Variants in C1orf141 observed in about 807,000 individuals in gnomAD.
The protein encoded by C1orf141 is uncharacterized protein C1orf141.
C1orf141 carries 19 observed loss-of-function variants against 23.2 expected under a neutral mutation model. That is an observed-to-expected ratio of 0.82 (90% CI 0.57 to 1.20). The LOEUF is 1.20. C1orf141 is among the 50% of genes most tolerant of loss of function. C1orf141 has a pLI of 0.00. For synonymous variants in C1orf141, 153 were observed against 154.6 expected (o/e 0.99, Z 0.08); for missense variants, 469 against 455.1 (o/e 1.03, Z -0.28).
upstream of C1orf141, among the ~76,000 whole-genome samples, chr1:67,138,100 A>G (rs921630512): frequency 2.6e-5 from 4 of 152,228 alleles, no homozygotes; most frequent in Non-Finnish European, 4.4e-5. Flanking sequence ...GGCATTTCTC[A>G]CTTTTACAGA....
upstream of C1orf141, among the ~76,000 whole-genome samples, chr1:67,135,880 C>T (rs1192138389): frequency 1.8e-5 from 2 of 109,816 alleles, no homozygotes; most frequent in African/African-American, 7.6e-5. Context: ...CATCACAAGT[C>T]TGTGCTAGTG....
At chr1:67,132,123 G>A (rs1014405471) in intron 1 of C1orf141, among the ~76,000 whole-genome samples, 1 of 151,230 alleles carries the variant, frequency 6.6e-6, no homozygotes, top group Non-Finnish European at 1.5e-5. Context: ...CCTTGTCTCG[G>A]TGACAGTCTA....
chr1:67,099,622 A>C (rs1252780401), intron 5 of C1orf141, among the ~76,000 whole-genome samples: 2 of 152,168 alleles, frequency 1.3e-5, no homozygotes, highest in African/African-American at 4.8e-5. Flanking sequence ...TCTACTAAAA[A>C]TACAAAATTA....
intron 4 of C1orf141, among the ~76,000 whole-genome samples, chr1:67,118,768 C>T (rs772995009): frequency 6.6e-6 from 1 of 152,196 alleles, no homozygotes; most frequent in East Asian, 1.9e-4. Flanking sequence ...CTCCCTGTCT[C>T]TGTATTTGCC....
chr1:67,115,221 A>G, intron 5 of C1orf141, 131 bp downstream of exon 5: 1 of 531,576 alleles, frequency 1.9e-6, no homozygotes, highest in Middle Eastern at 2.8e-4. Context: ...GTTCTTTTTT[A>G]TAGTTCATGG....
chr1:67,138,304 T>C (rs1164048431), upstream of C1orf141, among the ~76,000 whole-genome samples: 1 of 152,230 alleles, frequency 6.6e-6, no homozygotes, highest in African/African-American at 2.4e-5. Flanking sequence ...TTATTCTAGA[T>C]AATGTGCTAG....
intron 3 of C1orf141, among the ~76,000 whole-genome samples, chr1:67,126,602 G>A (rs1442865440): frequency 6.6e-6 from 1 of 152,164 alleles, no homozygotes; most frequent in Non-Finnish European, 1.5e-5. Flanking sequence ...CAAAATATAT[G>A]AAAACAACTG....
chr1:67,121,681 T>G (rs1002765580), intron 4 of C1orf141: 4 of 152,228 alleles, frequency 2.6e-5, no homozygotes, highest in African/African-American at 4.8e-5. Context: ...TAATGGTGAG[T>G]GTTTAATAAA....
intron 5 of C1orf141, among the ~76,000 whole-genome samples, chr1:67,102,333 T>C (rs908045660): frequency 1.3e-5 from 2 of 151,626 alleles, no homozygotes; most frequent in African/African-American, 2.4e-5. Context: ...TGTGTGTGTG[T>C]GTGTGTGTGT....
chr1:67,134,691 G>A (rs1646566861), intron 1 of C1orf141, among the ~76,000 whole-genome samples: 1 of 152,168 alleles, frequency 6.6e-6, no homozygotes, highest in South Asian at 2.1e-4. Context: ...TAGTTTAGAA[G>A]ATGCAAAGGG....
At chr1:67,110,077 G>A (rs984982165) in intron 5 of C1orf141, among the ~76,000 whole-genome samples, 1 of 152,036 alleles carries the variant, frequency 6.6e-6, no homozygotes, top group African/African-American at 2.4e-5. Context: ...GCTGTTAATA[G>A]TATTTTGAGT....
At chr1:67,117,031 T>C (rs946213200) in intron 4 of C1orf141, among the ~76,000 whole-genome samples, 1 of 152,240 alleles carries the variant, frequency 6.6e-6, no homozygotes, top group African/African-American at 2.4e-5. Flanking sequence ...TTATCCTAGA[T>C]TGTAAACTCT....
Position 67,125,928 on chromosome 1 carries a change from G to C in C1orf141, c.76-19C>G. The C allele has an allele frequency of 2.5e-6, 3 of 1,183,156 alleles. No homozygotes were observed. The highest frequency in any genetic ancestry group is 3.3e-6 in the Non-Finnish European group (3 of 921,548). The allele number at this position is 1,183,156 out of a possible 1,614,324, so 73.3% of individuals were successfully genotyped here. A position where few individuals can be genotyped will look rare whatever the true frequency, so the allele number is the denominator to read the frequency against. ...TGTTTATCTGCAGCAATGCCAAAGT[G>C]AAAAAAAAAAAAAAAAAAAGAGTAC... is the stretch of plus-strand genomic sequence containing the variant. On this transcript the variant is annotated intron_variant, in intron 3 of 7. Coordinates refer to ENST00000684719, the MANE Select transcript of C1orf141 (RefSeq NM_001276351.2).
At chr1:67,103,370 C>T (rs1645848562) in intron 5 of C1orf141, 2 of 1,384,138 alleles carry the variant, frequency 1.4e-6, no homozygotes, top group Non-Finnish European at 1.9e-6. Flanking sequence ...TTCAAAGGCC[C>T]TGCATTTTCC....
intron 7 of C1orf141, 30 bp from the exon 8 acceptor site, chr1:67,093,634 A>G (rs1182820809): frequency 1.3e-6 from 2 of 1,492,308 alleles, no homozygotes; most frequent in Admixed American, 2.3e-5. Flanking sequence ...ATAATTAGTC[A>G]TAAGTTCATT....
At chr1:67,095,022 A>G (rs796383417) in intron 7 of C1orf141, 2 of 453,774 alleles carry the variant, frequency 4.4e-6, no homozygotes, top group South Asian at 1.0e-4. Flanking sequence ...CTTCATAAAG[A>G]AAAACACTGA....
chr1:67,110,823 T>C (rs1646052255), intron 5 of C1orf141, among the ~76,000 whole-genome samples: 1 of 150,862 alleles, frequency 6.6e-6, no homozygotes, highest in South Asian at 2.1e-4. Flanking sequence ...TGATAATCCT[T>C]TTAATATTTT....
chr1:67,127,124 C>T, intron 3 of C1orf141, 42 bp downstream of exon 3: 1 of 1,281,496 alleles, frequency 7.8e-7, no homozygotes, highest in Non-Finnish European at 1.1e-6. Context: ...AAATGTTAAC[C>T]TGTTAATGAT....
chr1:67,101,889 C>G (rs755379468), intron 5 of C1orf141, among the ~76,000 whole-genome samples: 10 of 152,134 alleles, frequency 6.6e-5, no homozygotes, highest in Non-Finnish European at 1.5e-4. Flanking sequence ...TGAGGGAACA[C>G]TTCAGAGAAG....
Sources: gnomAD v4.1 joint callset for allele counts (sites outside exome capture counted in the v4.1 genomes callset) on GRCh38, gnomAD v4.1.1 for gene constraint, MANE v1.5 for transcripts, NCBI Gene and HGNC (gene_info 2026-07-23, HGNC 2026-07-21) for gene names.